REV1: variants seen among roughly 807,000 people sequenced by gnomAD.
REV1 encodes the protein translesion synthesis protein REV1.
REV1 carries 42 observed loss-of-function variants against 137.4 expected under a neutral mutation model. That is an observed-to-expected ratio of 0.31 (90% CI 0.24 to 0.40). REV1 has a LOEUF of 0.40. REV1 is among the 10% of genes least tolerant of loss of function. The probability of loss-of-function intolerance (pLI) is 1.00; values close to 1 mark genes in which losing one functional copy is unlikely to be tolerated. For missense variants in REV1, 1,282 were observed against 1,490.1 expected, an observed-to-expected ratio of 0.86 and a Z score of 2.30; for synonymous variants, 524 against 519.2, an observed-to-expected ratio of 1.01 and a Z score of -0.12.
At chr2:99,451,480 G>C in intron 3 of REV1, 1 of 1,303,988 alleles carries the variant, frequency 7.7e-7, no homozygotes, top group Non-Finnish European at 1.0e-6. Flanking sequence ...TCTTCAGTGT[G>C]AAGTGAAGCA....
chr2:99,455,659 ATAT>A (rs1295266764), intron 3 of REV1, among the ~76,000 whole-genome samples: 2 of 152,164 alleles, frequency 1.3e-5, no homozygotes, highest in Non-Finnish European at 2.9e-5. Context: ...GGAAGGAGAG[ATAT>A]TATATATCCA....
rs139292742 is a variant in REV1, at chr2:99,419,401, G to A, written c.1832-454C>T. On this transcript the variant is annotated intron_variant, in intron 11 of 22. Coordinates refer to ENST00000258428, the MANE Select transcript of REV1 (RefSeq NM_016316.4). The stretch of plus-strand genomic sequence containing the variant: ...CTAATTTTTCTGTATTTTTACAGAC[G>A]GGGTTTCACCATGTTAGCCAGGATG... Among the ~76,000 whole-genome samples the A allele has an allele frequency of 2.4e-3, 371 of 151,752 alleles. 2 individuals carry two copies. Among genetic ancestry groups the A allele is most frequent in the Non-Finnish European group, 3.8e-3 (255 of 67,912 alleles).
intron 11 of REV1, among the ~76,000 whole-genome samples, chr2:99,420,444 C>T (rs1011469662): frequency 2.6e-5 from 4 of 152,186 alleles, no homozygotes; most frequent in Non-Finnish European, 4.4e-5. Context: ...CAGAATTACT[C>T]AAACTAGCCA....
At chr2:99,448,943 T>C (rs1462927752) in intron 4 of REV1, among the ~76,000 whole-genome samples, 2 of 152,218 alleles carry the variant, frequency 1.3e-5, no homozygotes, top group Non-Finnish European at 2.9e-5. Context: ...GTTTAAGACA[T>C]TATTTTTCAC....
intron 5 of REV1, 42 bp from the exon 6 acceptor site, chr2:99,439,352 T>C: frequency 7.1e-7 from 1 of 1,408,528 alleles, no homozygotes; most frequent in Non-Finnish European, 9.8e-7. Flanking sequence ...TATCTGACTT[T>C]TAGGTTAAAA....
chr2:99,451,373 A>G (rs909806506), intron 3 of REV1: 3 of 1,288,902 alleles, frequency 2.3e-6, no homozygotes, highest in African/African-American at 1.5e-5. Context: ...TTGAAAACTA[A>G]TTACTCCAGA....
chr2:99,468,573 A>G (rs1685071364), intron 1 of REV1, among the ~76,000 whole-genome samples: 2 of 152,176 alleles, frequency 1.3e-5, no homozygotes, highest in African/African-American at 4.8e-5. Flanking sequence ...TTTCAGAGGA[A>G]CTCTTGCAGA....
intron 1 of REV1, among the ~76,000 whole-genome samples, chr2:99,465,243 T>C (rs1475720271): frequency 6.6e-6 from 1 of 152,222 alleles, no homozygotes; most frequent in African/African-American, 2.4e-5. Flanking sequence ...TCTTTATGCA[T>C]TCCTGAGCAC....
In REV1 at chr2:99,404,623, G is replaced by C. The variant is rs764822267; in HGVS notation, c.2866C>G (p.Gln956Glu). 1.2e-6 allele frequency: 2 copies of C among 1,612,128 alleles called. No homozygotes were observed. The highest frequency in any genetic ancestry group is 1.7e-6 in the Non-Finnish European group (2 of 1,179,578). ...TCTGCTTGCTGGACAGCACAGACTT[G>C]CTCTACTTGTTCCCGGAGATCAGGT... Reference protein sequence around the residue: ...LPPDLREQVEQVCAVQQAESH... With the variant: ...LPPDLREQVEEVCAVQQAESH... The change falls in exon 18 of 23, where the codon CAA becomes GAA. Residue 956 changes from glutamine (Q) to glutamate (E), a missense_variant. By Grantham distance (29) the Gln-to-Glu change is conservative. Around this residue, in one of 7 missense-constraint regions of REV1, gnomAD observed 135 missense variants for 123.3 expected, o/e 1.10. Coordinates refer to ENST00000258428, the MANE Select transcript of REV1 (RefSeq NM_016316.4).
At chr2:99,470,016 G>T (rs538573630) in intron 1 of REV1, among the ~76,000 whole-genome samples, 1 of 151,944 alleles carries the variant, frequency 6.6e-6, no homozygotes, top group Non-Finnish European at 1.5e-5. Context: ...AGCTACGTGG[G>T]AGGCTGAGGC....
At chr2:99,429,724 C>A in intron 9 of REV1, 116 bp downstream of exon 9, 1 of 553,910 alleles carries the variant, frequency 1.8e-6, no homozygotes, top group South Asian at 3.3e-5. Context: ...AGGCTAAAAC[C>A]TCATAACACG....
intron 1 of REV1, among the ~76,000 whole-genome samples, chr2:99,465,281 A>G (rs1684670725): frequency 6.6e-6 from 1 of 152,208 alleles, no homozygotes; most frequent in Admixed American, 6.5e-5. Context: ...TACATAAAAC[A>G]CCAAATCCAA....
chr2:99,429,829 C>A lies in REV1; in HGVS notation c.1547+11G>T. The A allele has an allele frequency of 6.8e-7, 1 of 1,476,378 alleles. No individual in the cohort carries two copies. The highest frequency in any genetic ancestry group is 9.2e-7 in the Non-Finnish European group (1 of 1,087,970). 91.5% of individuals were successfully genotyped at this position (1,476,378 alleles called of 1,614,324 possible). ...ATTCATTAAGAATTGTAACACACAA[C>A]TTCTACATACCTGGCCTCATAACTA... On this transcript the variant is annotated intron_variant, in intron 9 of 22. Transcript: ENST00000258428.
intron 3 of REV1, among the ~76,000 whole-genome samples, chr2:99,459,880 G>A (rs1205808740): frequency 1.3e-5 from 2 of 152,128 alleles, no homozygotes; most frequent in Admixed American, 6.6e-5. Context: ...AAGGTATAGG[G>A]ACTACGAAAT....
chr2:99,424,941 C>A, intron 9 of REV1: 2 of 1,249,026 alleles, frequency 1.6e-6, no homozygotes, highest in South Asian at 1.4e-5. Flanking sequence ...TGTCTCAGTG[C>A]CCCACATTAC....
chr2:99,401,100 TGA>T lies in REV1; in HGVS notation c.*139_*140del, dbSNP rs1675328300. ...CAATACTGACAAATTTGGCACTTTT[TGA>T]AAAGAAATGTACAAAACACTTGCTT... is the stretch of plus-strand genomic sequence containing the variant. On this transcript the variant is annotated 3_prime_UTR_variant, in exon 23 of 23. Coordinates refer to ENST00000258428, the MANE Select transcript of REV1 (RefSeq NM_016316.4). 1 of 501,934 alleles carries T rather than the reference TGA, an allele frequency of 2.0e-6. No homozygotes were observed. The highest frequency in any genetic ancestry group is 3.7e-5 in the South Asian group (1 of 27,082). 31.1% of individuals were successfully genotyped at this position (501,934 alleles called of 1,614,324 possible). A position where few individuals can be genotyped will look rare whatever the true frequency, so the allele number is the denominator to read the frequency against.
Position 99,469,885 on chromosome 2 carries a change from G to A in REV1, c.-10-4900C>T, listed in dbSNP as rs1296959781. 3.1e-4 allele frequency among the ~76,000 whole-genome samples: 47 copies of A among 151,912 alleles called. 1 individual carries two copies. The highest frequency in any genetic ancestry group is 3.0e-3 in the Admixed American group (46 of 15,246). On this transcript the variant is annotated intron_variant, in intron 1 of 22. Transcript: ENST00000258428. ...ATGATATTTCCTAGCACTCTGGGGG[G>A]CCGAGGCGGGCAGATCACGAGGTCA...
chr2:99,426,074 G>A (rs1036387085), intron 9 of REV1, among the ~76,000 whole-genome samples: 22 of 148,104 alleles, frequency 1.5e-4, no homozygotes, highest in African/African-American at 4.7e-4. Flanking sequence ...GTCCAGGCGC[G>A]GTGGTACACA....
rs869170472 is a variant in REV1, at chr2:99,407,080, C to CTTTTTTTTTTTTTTTTTTTTTTTT, written c.2449-614_2449-591dup. Among the ~76,000 whole-genome samples, 12 of 60,046 alleles carry CTTTTTTTTTTTTTTTTTTTTTTTT rather than the reference C, an allele frequency of 2.0e-4. 2 individuals carry two copies. Among genetic ancestry groups the CTTTTTTTTTTTTTTTTTTTTTTTT allele is most frequent in the African/African-American group, 3.9e-4 (6 of 15,550 alleles). 39.4% of individuals were successfully genotyped at this position (60,046 alleles called of 152,430 possible). ...ACATAAAACTAAACCTACAAAGGTT[C>CTTTTTTTTTTTTTTTTTTTTTTTT]TTTTTTTTTTTTTTTTTTTTTTTTT... On this transcript the variant is annotated intron_variant, in intron 15 of 22. Transcript: ENST00000258428.
Sources: allele counts gnomAD v4.1 joint callset (sites outside exome capture counted in the v4.1 genomes callset), GRCh38; gene constraint gnomAD v4.1.1; regional missense constraint gnomAD v4.1.1; transcripts MANE v1.5; gene names NCBI Gene and HGNC (gene_info 2026-07-23, HGNC 2026-07-21).